The following DNAJC11 variants were observed in gnomAD, a reference collection of about 807,000 sequenced individuals.
DNAJC11 encodes DnaJ heat shock protein family (Hsp40) member C11.
DNAJC11 carries 15 observed loss-of-function variants against 78.6 expected under a neutral mutation model. That is an observed-to-expected ratio of 0.19 (90% confidence interval 0.13 to 0.29). The LOEUF (loss-of-function observed/expected upper bound fraction) is 0.29, where lower values mean the gene tolerates loss of function less well. Ranked by LOEUF, DNAJC11 falls within the 10% of genes least tolerant of loss-of-function variation. The probability of loss-of-function intolerance (pLI) is 1.00; values close to 1 mark genes in which losing one functional copy is unlikely to be tolerated. For synonymous variants in DNAJC11, 292 were observed against 272.1 expected, an observed-to-expected ratio of 1.07 and a Z score of -0.72; for missense variants, 547 against 709.6, an observed-to-expected ratio of 0.77 and a Z score of 2.60.
chr1:6,642,987 T>C (rs1641901022), intron 10 of DNAJC11, among the ~76,000 whole-genome samples: 1 of 151,646 alleles, frequency 6.6e-6, no homozygotes, highest in African/African-American at 2.4e-5. Flanking sequence ...GGTGCCTCCA[T>C]TTAGGGGTTT....
chr1:6,661,964 C>G (rs1490498163), intron 4 of DNAJC11, among the ~76,000 whole-genome samples: 3 of 152,132 alleles, frequency 2.0e-5, no homozygotes, highest in Non-Finnish European at 4.4e-5. Flanking sequence ...TGGGGTCTCT[C>G]TCTGTCACCC....
rs1367136683 is a variant in DNAJC11 at position 6,634,311 on chromosome 1, C to G, written c.*1364G>C. On this transcript the variant is annotated 3_prime_UTR_variant, in exon 16 of 16. Transcript: ENST00000377577. Reference sequence around the variant, plus strand: ...CCAGGCTCATGCAACACGACGCTCACCGCGGCTCGGGCCGTGGGGCCGTCA... The same window carrying G: ...CCAGGCTCATGCAACACGACGCTCAGCGCGGCTCGGGCCGTGGGGCCGTCA... 1.0e-6 allele frequency: 1 copy of G among 974,194 alleles called. No individual in the cohort carries two copies. The highest frequency in any genetic ancestry group is 1.5e-6 in the Non-Finnish European group (1 of 681,586). The allele number at this position is 974,194 out of a possible 1,614,324, so 60.3% of individuals were successfully genotyped here. A position where few individuals can be genotyped will look rare whatever the true frequency, so the allele number is the denominator to read the frequency against.
intron 3 of DNAJC11, among the ~76,000 whole-genome samples, chr1:6,676,255 G>GC (rs1364073974): frequency 6.6e-6 from 1 of 152,174 alleles, no homozygotes; most frequent in Non-Finnish European, 1.5e-5. Context: ...CATCTGAAGG[G>GC]CAAGGGCTCC....
chr1:6,638,185 C>T (rs1641816023), intron 12 of DNAJC11, 110 bp downstream of exon 12: 2 of 1,087,928 alleles, frequency 1.8e-6, no homozygotes, highest in Non-Finnish European at 1.3e-6. Flanking sequence ...AAGTGGAGAG[C>T]CAAGTTGTTG....
chr1:6,659,588 C>T (rs984353245), intron 4 of DNAJC11, among the ~76,000 whole-genome samples: 1 of 151,884 alleles, frequency 6.6e-6, no homozygotes, highest in Non-Finnish European at 1.5e-5. Flanking sequence ...AGTAAAACCT[C>T]GTCTCTACTA....
chr1:6,685,546 A>C (rs1396704018), intron 1 of DNAJC11, among the ~76,000 whole-genome samples: 1 of 152,086 alleles, frequency 6.6e-6, no homozygotes, highest in Non-Finnish European at 1.5e-5. Context: ...TTATCTTTGG[A>C]GCTCACCCAC....
At chr1:6,664,230 C>T (rs1274102033) in intron 4 of DNAJC11, among the ~76,000 whole-genome samples, 1 of 151,734 alleles carries the variant, frequency 6.6e-6, no homozygotes, top group Non-Finnish European at 1.5e-5. Flanking sequence ...GGTTCGAAGG[C>T]CATTTTCTTT....
intron 1 of DNAJC11, among the ~76,000 whole-genome samples, chr1:6,699,973 G>A (rs924205724): frequency 6.6e-6 from 1 of 152,076 alleles, no homozygotes; most frequent in Non-Finnish European, 1.5e-5. Context: ...TATCCCCTAT[G>A]ACCTGCACAT....
At chr1:6,667,257 T>C (rs1340356332) in intron 4 of DNAJC11, among the ~76,000 whole-genome samples, 1 of 152,180 alleles carries the variant, frequency 6.6e-6, no homozygotes, top group Non-Finnish European at 1.5e-5. Flanking sequence ...CTCTGCATTA[T>C]TTGGCTCTCC....
In DNAJC11 at chr1:6,645,676, G is replaced by A. The variant is rs145362912; in HGVS notation, c.894+113C>T. On this transcript the variant is annotated intron_variant, in intron 8 of 15. Coordinates refer to ENST00000377577, the MANE Select transcript of DNAJC11 (RefSeq NM_018198.4). This position sits in a 1 kb window ranked among gnomAD's most constrained non-coding sequence, Gnocchi z 4.1. Reference sequence around the variant, plus strand: ...GAGCCTGCCCCTCAGGGCCCTGTATGGGCTTAGACTTAGTGGTGATCAGGA... The same window carrying A: ...GAGCCTGCCCCTCAGGGCCCTGTATAGGCTTAGACTTAGTGGTGATCAGGA... The A allele has an allele frequency of 4.7e-4, 584 of 1,237,166 alleles. 3 individuals are homozygous for A. The African/African-American group carries it at 7.7e-3, about 16-fold the overall frequency. The allele number at this position is 1,237,166 out of a possible 1,614,324, so 76.6% of individuals were successfully genotyped here.
rs140908501 is a variant in DNAJC11 at position 6,693,449 on chromosome 1, T to C, written c.72+8280A>G. On this transcript the variant is annotated intron_variant, in intron 1 of 15. Transcript: ENST00000377577. Reference sequence around the variant, plus strand: ...AGGCTGGAGTGCAGTGGTGGTGCGATCTTGCTTCACTGCAAACTCCATCTC... The same window carrying C: ...AGGCTGGAGTGCAGTGGTGGTGCGACCTTGCTTCACTGCAAACTCCATCTC... Among the ~76,000 whole-genome samples, 773 of 152,158 alleles carry C rather than the reference T, an allele frequency of 5.1e-3. 7 individuals are homozygous for C. Among genetic ancestry groups the C allele is most frequent in the African/African-American group, 0.017 (721 of 41,506 alleles).
intron 7 of DNAJC11, among the ~76,000 whole-genome samples, 185 bp from the exon 8 acceptor site, chr1:6,646,163 G>A (rs907544040): frequency 3.3e-5 from 5 of 151,912 alleles, no homozygotes; most frequent in African/African-American, 1.2e-4. Flanking sequence ...GTCCTAGCCA[G>A]AATCTTCCTA....
At chr1:6,637,906 G>T in intron 12 of DNAJC11, 1 of 401,196 alleles carries the variant, frequency 2.5e-6, no homozygotes, top group Non-Finnish European at 4.6e-6. Flanking sequence ...TTCTCCTGTG[G>T]TGCCATTCTG....
chr1:6,656,975 T>C (rs947256402), intron 4 of DNAJC11, among the ~76,000 whole-genome samples: 7 of 152,074 alleles, frequency 4.6e-5, no homozygotes, highest in African/African-American at 1.7e-4. Context: ...TAGGCAATGT[T>C]ATAAAAGAAA....
intron 7 of DNAJC11, among the ~76,000 whole-genome samples, chr1:6,647,596 G>A (rs1220761750): frequency 6.6e-6 from 1 of 151,768 alleles, no homozygotes; most frequent in African/African-American, 2.4e-5. Context: ...GAGGTGGGTG[G>A]ATCACAAGGT....
intron 4 of DNAJC11, among the ~76,000 whole-genome samples, chr1:6,664,298 G>A (rs1642263101): frequency 6.6e-6 from 1 of 150,542 alleles, no homozygotes; most frequent in African/African-American, 2.5e-5. Context: ...GGAGTGCAGT[G>A]GTGCGATCTC....
chr1:6,669,182 C>G (rs1298975135), intron 3 of DNAJC11, among the ~76,000 whole-genome samples: 1 of 148,702 alleles, frequency 6.7e-6, no homozygotes, highest in Non-Finnish European at 1.5e-5. Context: ...GCAAGACTCT[C>G]TCTTAAAAAA....
chr1:6,637,436 C>A lies in DNAJC11; in HGVS notation c.1381+11G>T. 1.2e-6 allele frequency: 2 copies of A among 1,614,236 alleles called. No individual in the cohort carries two copies. Among genetic ancestry groups the A allele is most frequent in the Non-Finnish European group, 1.7e-6 (2 of 1,180,046 alleles). ...GCCCACCCTGGACCAAGAGAGGACA[C>A]ATGTTCTCACCCATTCTGGACTCTT... is the stretch of plus-strand genomic sequence containing the variant. On this transcript the variant is annotated intron_variant, in intron 13 of 15. Coordinates refer to ENST00000377577, the MANE Select transcript of DNAJC11 (RefSeq NM_018198.4).
At chr1:6,687,979 A>C (rs1209933682) in intron 1 of DNAJC11, among the ~76,000 whole-genome samples, 2 of 152,208 alleles carry the variant, frequency 1.3e-5, no homozygotes, top group Non-Finnish European at 2.9e-5. Context: ...CAAAACAAAA[A>C]AATAACCAAA....
Sources: gnomAD v4.1 joint callset for allele counts (sites outside exome capture counted in the v4.1 genomes callset) on GRCh38, gnomAD v4.1.1 for gene constraint, Gnocchi (gnomAD v3.1) non-coding constraint, MANE v1.5 for transcripts, NCBI Gene and HGNC (gene_info 2026-07-23, HGNC 2026-07-21) for gene names.